TBL1X: variants seen among roughly 807,000 people sequenced by gnomAD.
TBL1X encodes F-box-like/WD repeat-containing protein TBL1X.
TBL1X carries 10 observed loss-of-function variants against 50.7 expected under a neutral mutation model. The ratio of observed to expected loss-of-function variants is 0.20; its 90% confidence interval spans 0.12 to 0.33. The LOEUF (loss-of-function observed/expected upper bound fraction) is 0.33, where lower values mean the gene tolerates loss of function less well. Ranked by LOEUF, TBL1X falls within the 10% of genes least tolerant of loss-of-function variation. The probability of loss-of-function intolerance (pLI) is 1.00; values close to 1 mark genes in which losing one functional copy is unlikely to be tolerated. For synonymous variants in TBL1X, 190 were observed against 214.7 expected (o/e 0.88, Z 1.01); for missense variants, 340 against 504.4 (o/e 0.67, Z 3.12).
Position 9,702,481 on chromosome X carries a change from G to A in TBL1X, c.1115-2512G>A, listed in dbSNP as rs942453615. The stretch of plus-strand genomic sequence containing the variant: ...AAAAACTGGGCATGGTGGCACACAT[G>A]TATAGTCCCAGCTACTCGAGAGACT... On this transcript the variant is annotated intron_variant, in intron 12 of 17. Transcript: ENST00000645353. Among the ~76,000 whole-genome samples, 65 of 104,232 alleles carry A rather than the reference G, an allele frequency of 6.2e-4. 1 individual carries two copies. The highest frequency in any genetic ancestry group is 1.2e-3 in the Non-Finnish European group (59 of 51,029). The allele number at this position is 104,232 out of a possible 115,157, so 90.5% of individuals were successfully genotyped here. A position where few individuals can be genotyped will look rare whatever the true frequency, so the allele number is the denominator to read the frequency against.
In TBL1X at chrX:9,719,331, G is replaced by A. The variant is rs1429370167; in HGVS notation, c.*3085G>A. ...GTCTTTCTAAGAAATAGATCATGGA[G>A]CCAAGTGAAGTGCACTTTGTCAAAT... On this transcript the variant is annotated 3_prime_UTR_variant, in exon 18 of 18. Coordinates refer to ENST00000645353, the MANE Select transcript of TBL1X (RefSeq NM_005647.4). 2 of 112,146 alleles carry A rather than the reference G, an allele frequency of 1.8e-5. No homozygotes were observed. Among genetic ancestry groups the A allele is most frequent in the African/African-American group, 6.5e-5 (2 of 30,731 alleles). 9.2% of individuals were successfully genotyped at this position (112,146 alleles called of 1,213,427 possible). A position where few individuals can be genotyped will look rare whatever the true frequency, so the allele number is the denominator to read the frequency against.
intron 2 of TBL1X, among the ~76,000 whole-genome samples, chrX:9,521,166 G>A (rs2082105181): frequency 9.0e-6 from 1 of 110,912 alleles, no homozygotes; most frequent in African/African-American, 3.3e-5. Flanking sequence ...ATTTTTTGCA[G>A]GAGGGAAATT....
intron 2 of TBL1X, among the ~76,000 whole-genome samples, chrX:9,568,544 G>A (rs962840048): frequency 9.1e-6 from 1 of 109,941 alleles, no homozygotes; most frequent in Non-Finnish European, 1.9e-5. Context: ...GTCTATCTGT[G>A]CAGTGTGTCT....
chrX:9,649,856 A>G (rs1013378046), intron 3 of TBL1X, among the ~76,000 whole-genome samples: 1 of 111,763 alleles, frequency 8.9e-6, no homozygotes, highest in Non-Finnish European at 1.9e-5. Flanking sequence ...TGGCATAATC[A>G]TGGCTCACTG....
In TBL1X at chrX:9,665,539, A is replaced by AT. The variant is rs3043954; in HGVS notation, c.211+11217_211+11218insT. ...TATATATATATATATATATATATAT[A>AT]AAAGGCCTTGGTGCTTTTTCGCTTC... is the stretch of plus-strand genomic sequence containing the variant. On this transcript the variant is annotated intron_variant, in intron 5 of 17. Transcript: ENST00000645353. 1.3e-3 allele frequency among the ~76,000 whole-genome samples: 83 copies of AT among 62,885 alleles called. 4 individuals carry two copies. Among genetic ancestry groups the AT allele is most frequent in the African/African-American group, 4.4e-3 (72 of 16,203 alleles). 54.6% of individuals were successfully genotyped at this position (62,885 alleles called of 115,157 possible).
rs901369754 is a variant in TBL1X at position 9,571,580 on chromosome X, A to G, written c.-130-68693A>G. Among the ~76,000 whole-genome samples the G allele has an allele frequency of 7.1e-5, 8 of 112,050 alleles. No individual in the cohort carries two copies. The East Asian group carries it at 1.7e-3, about 23-fold the overall frequency. ...TTATTTTTATTGTGATAAAATATAC[A>G]TAACATAAAACTTACTATCTTACAC... is the stretch of plus-strand genomic sequence containing the variant. On this transcript the variant is annotated intron_variant, in intron 2 of 17. Coordinates refer to ENST00000645353, the MANE Select transcript of TBL1X (RefSeq NM_005647.4).
intron 11 of TBL1X, among the ~76,000 whole-genome samples, chrX:9,695,071 A>G (rs1266915398): frequency 8.9e-6 from 1 of 112,754 alleles, no homozygotes; most frequent in Non-Finnish European, 1.9e-5. Context: ...AATTTGGCAA[A>G]CTGTGGCCCA....
intron 2 of TBL1X, among the ~76,000 whole-genome samples, chrX:9,559,508 C>T (rs2082315331): frequency 9.0e-6 from 1 of 111,565 alleles, no homozygotes; most frequent in Non-Finnish European, 1.9e-5. Flanking sequence ...ACGATGAATA[C>T]TCTATCAAAA....
chrX:9,620,440 C>A (rs1332358494), intron 2 of TBL1X, among the ~76,000 whole-genome samples: 4 of 112,512 alleles, frequency 3.6e-5, no homozygotes, highest in Non-Finnish European at 7.5e-5. Flanking sequence ...AGACTTGTAG[C>A]AAACAGAGGA....
rs187180010 is a variant in TBL1X at position 9,634,613 on chromosome X, A to G, written c.-130-5660A>G. Among the ~76,000 whole-genome samples the G allele has an allele frequency of 2.3e-3, 256 of 110,339 alleles. 1 individual carries two copies. The highest frequency in any genetic ancestry group is 8.3e-3 in the African/African-American group (250 of 30,298). Reference sequence around the variant, plus strand: ...GTGATCTTCCCACCTCGGCCTCCCAAAGTGCTGCAATTACAGGCATGAGCC... The same window carrying G: ...GTGATCTTCCCACCTCGGCCTCCCAGAGTGCTGCAATTACAGGCATGAGCC... On this transcript the variant is annotated intron_variant, in intron 2 of 17. Transcript: ENST00000645353.
chrX:9,638,413 A>C (rs2082759153), intron 2 of TBL1X, among the ~76,000 whole-genome samples: 1 of 112,164 alleles, frequency 8.9e-6, no homozygotes, highest in Admixed American at 9.4e-5. Context: ...GGAAGGTCTG[A>C]TTTCTCATTT....
chrX:9,492,279 T>G (rs779091454), intron 1 of TBL1X, among the ~76,000 whole-genome samples: 1 of 111,023 alleles, frequency 9.0e-6, no homozygotes, highest in African/African-American at 3.3e-5. Context: ...TTAACTTGCC[T>G]CTCATCCCCT....
At chrX:9,605,488 A>G (rs779693649) in intron 2 of TBL1X, among the ~76,000 whole-genome samples, 15 of 112,857 alleles carry the variant, frequency 1.3e-4, no homozygotes, top group Non-Finnish European at 2.4e-4. Flanking sequence ...CTTTATGTCA[A>G]GAATTTGCTA....
rs185604251 is a variant in TBL1X at position 9,666,872 on chromosome X, A to C, written c.211+12550A>C. ...ATACTGGAGAAACAATTTTACTTAT[A>C]AGGTATACAAGGAAAATAGAATGTA... On this transcript the variant is annotated intron_variant, in intron 5 of 17. Transcript: ENST00000645353. 2.4e-3 allele frequency among the ~76,000 whole-genome samples: 270 copies of C among 112,408 alleles called. 2 individuals carry two copies. Among genetic ancestry groups the C allele is most frequent in the African/African-American group, 8.2e-3 (254 of 30,979 alleles).
chrX:9,638,316 G>C (rs975499944), intron 2 of TBL1X, among the ~76,000 whole-genome samples: 1 of 112,078 alleles, frequency 8.9e-6, no homozygotes, highest in Admixed American at 9.4e-5. Context: ...ACAAATATTT[G>C]GCAATATGTA....
chrX:9,479,937 A>AGTGTGTGTGTGT (rs1353868118), intron 1 of TBL1X, among the ~76,000 whole-genome samples: 10 of 37,904 alleles, frequency 2.6e-4, no homozygotes, highest in African/African-American at 7.6e-4. Context: ...AGGAAAGTAG[A>AGTGTGTGTGTGT]ATGTGTGTGT....
At chrX:9,503,083 C>T (rs1274545327) in intron 2 of TBL1X, among the ~76,000 whole-genome samples, 5 of 112,296 alleles carry the variant, frequency 4.5e-5, no homozygotes, top group East Asian at 2.8e-4. Flanking sequence ...CCATAATAAG[C>T]GTGTGAATCC....
chrX:9,697,230 C>T, intron 11 of TBL1X, 139 bp from the exon 12 acceptor site: 2 of 732,456 alleles, frequency 2.7e-6, no homozygotes, highest in Non-Finnish European at 3.9e-6. Flanking sequence ...TGAAACTAGC[C>T]CATAAGGCTC....
At chrX:9,575,135 T>G (rs912934636) in intron 2 of TBL1X, among the ~76,000 whole-genome samples, 1 of 111,325 alleles carries the variant, frequency 9.0e-6, no homozygotes, top group African/African-American at 3.3e-5. Flanking sequence ...AAGACACATC[T>G]TACCACAGCA....
Sources: gnomAD v4.1 joint callset for allele counts (sites outside exome capture counted in the v4.1 genomes callset) on GRCh38, gnomAD v4.1.1 for gene constraint, MANE v1.5 for transcripts, NCBI Gene and HGNC (gene_info 2026-07-23, HGNC 2026-07-21) for gene names.